Variants in KCNIP4 observed in about 807,000 individuals in gnomAD.
The protein encoded by KCNIP4 is potassium voltage-gated channel interacting protein 4.
In KCNIP4, 12 loss-of-function variants were observed where a neutral mutation model predicts 34.0. The observed-to-expected ratio is 0.35, with a 90% CI of 0.23 to 0.57. KCNIP4 has a LOEUF of 0.57. KCNIP4 is among the 20% of genes least tolerant of loss of function. The pLI is 0.83. For missense variants in KCNIP4, 238 were observed against 311.7 expected, an observed-to-expected ratio of 0.76 and a Z score of 1.78; for synonymous variants, 124 against 102.2, an observed-to-expected ratio of 1.21 and a Z score of -1.29.
At chr4:21,496,369 G>A (rs373422532) in intron 1 of KCNIP4, among the ~76,000 whole-genome samples, 5 of 152,158 alleles carry the variant, frequency 3.3e-5, no homozygotes, top group African/African-American at 1.2e-4. Flanking sequence ...AGGATCTAGT[G>A]GGACAGCTCA....
intron 1 of KCNIP4, among the ~76,000 whole-genome samples, chr4:21,909,481 T>C (rs1173249093): frequency 6.6e-6 from 1 of 152,078 alleles, no homozygotes; most frequent in Non-Finnish European, 1.5e-5. Flanking sequence ...CAAATCCAGT[T>C]ATTACTTTCT....
chr4:21,855,728 A>G (rs1037446114), intron 1 of KCNIP4: 6 of 152,178 alleles, frequency 3.9e-5, no homozygotes, highest in South Asian at 2.1e-4. Context: ...TTCTGTCTCC[A>G]GAATGCTTTC....
intron 1 of KCNIP4, among the ~76,000 whole-genome samples, chr4:21,107,462 C>T (rs909844871): frequency 3.1e-4 from 47 of 151,260 alleles, no homozygotes; most frequent in Non-Finnish European, 5.6e-4. Context: ...GTAGATTTTC[C>T]TCCATCCTTT....
At chr4:21,615,494 C>T (rs566212034) in intron 1 of KCNIP4, among the ~76,000 whole-genome samples, 15 of 151,656 alleles carry the variant, frequency 9.9e-5, no homozygotes, top group African/African-American at 2.9e-4. Flanking sequence ...TGCAGTGAGC[C>T]GAGATCACGC....
intron 1 of KCNIP4, among the ~76,000 whole-genome samples, chr4:20,894,088 C>A (rs1225926036): frequency 6.6e-6 from 1 of 152,056 alleles, no homozygotes; most frequent in African/African-American, 2.4e-5. Context: ...ACTATGTTGG[C>A]CAGGCTGGTC....
intron 3 of KCNIP4, among the ~76,000 whole-genome samples, chr4:20,833,187 T>C (rs11946996): frequency 0.011 from 1,752 of 152,380 alleles, 45 homozygotes; most frequent in African/African-American, 0.04. Context: ...TAACGTGCGG[T>C]GCACATTAGA....
At chr4:21,192,912 G>A (rs529154439) in intron 1 of KCNIP4, among the ~76,000 whole-genome samples, 5 of 98,002 alleles carry the variant, frequency 5.1e-5, no homozygotes, top group South Asian at 3.7e-4. Flanking sequence ...CTGCCGCCCC[G>A]TCTCTACTAC....
chr4:21,189,101 A>T (rs1278546989), intron 1 of KCNIP4, among the ~76,000 whole-genome samples: 1 of 152,250 alleles, frequency 6.6e-6, no homozygotes, highest in Non-Finnish European at 1.5e-5. Flanking sequence ...TTGTAAAAAG[A>T]GTAAAATAAT....
chr4:20,747,443 A>G (rs1026370932), intron 5 of KCNIP4, among the ~76,000 whole-genome samples: 1 of 152,204 alleles, frequency 6.6e-6, no homozygotes, highest in Non-Finnish European at 1.5e-5. Context: ...AAACACAAAC[A>G]CAACATTATC....
intron 1 of KCNIP4, among the ~76,000 whole-genome samples, chr4:21,482,093 T>C (rs1731479830): frequency 6.6e-6 from 1 of 151,962 alleles, no homozygotes. Flanking sequence ...TTGATCTTTG[T>C]TGGTTTAAAG....
chr4:21,898,361 C>T (rs945208628), intron 1 of KCNIP4, among the ~76,000 whole-genome samples: 3 of 152,038 alleles, frequency 2.0e-5, no homozygotes, highest in Non-Finnish European at 4.4e-5. Flanking sequence ...CAGCACAGCT[C>T]GCAGTGCCAG....
chr4:21,850,965 C>A (rs528774986), intron 1 of KCNIP4: 1 of 151,896 alleles, frequency 6.6e-6, no homozygotes, highest in Non-Finnish European at 1.5e-5. Flanking sequence ...TAGAGTCTTG[C>A]GGGGCAGACT....
chr4:21,503,556 A>T (rs1479336536), intron 1 of KCNIP4, among the ~76,000 whole-genome samples: 3 of 152,206 alleles, frequency 2.0e-5, no homozygotes, highest in Non-Finnish European at 4.4e-5. Flanking sequence ...AGACACTTAG[A>T]TGGACTGTTC....
At chr4:20,902,702 T>C (rs1384832246) in intron 1 of KCNIP4, among the ~76,000 whole-genome samples, 1 of 152,046 alleles carries the variant, frequency 6.6e-6, no homozygotes, top group African/African-American at 2.4e-5. Flanking sequence ...GTATTTTTAG[T>C]AGAGACGGGG....
intron 1 of KCNIP4, among the ~76,000 whole-genome samples, chr4:21,452,720 T>C (rs1180082356): frequency 6.6e-6 from 1 of 151,592 alleles, no homozygotes; most frequent in Non-Finnish European, 1.5e-5. Context: ...TTAAAGTGTT[T>C]CTTCAAAGAA....
chr4:20,831,247 G>T (rs988424409), intron 3 of KCNIP4, among the ~76,000 whole-genome samples: 2 of 152,198 alleles, frequency 1.3e-5, no homozygotes, highest in African/African-American at 2.4e-5. Context: ...ATACTGTGAA[G>T]TGGATAATAA....
intron 1 of KCNIP4, among the ~76,000 whole-genome samples, chr4:21,891,455 C>T (rs970684025): frequency 2.0e-5 from 3 of 151,894 alleles, no homozygotes; most frequent in South Asian, 2.1e-4. Flanking sequence ...AACGAGTCAG[C>T]GACAAAGAAA....
intron 1 of KCNIP4, chr4:21,843,992 A>G (rs1435398586): frequency 2.0e-5 from 3 of 152,134 alleles, no homozygotes; most frequent in African/African-American, 7.2e-5. Flanking sequence ...CCCTAAGCAT[A>G]GTAACTGAAA....
intron 3 of KCNIP4, among the ~76,000 whole-genome samples, chr4:20,833,247 T>C (rs1718641239): frequency 6.6e-6 from 1 of 152,212 alleles, no homozygotes; most frequent in Admixed American, 6.5e-5. Flanking sequence ...GGTGACATTG[T>C]TCTTTTTCCT....
Sources: gnomAD v4.1 joint callset for allele counts (sites outside exome capture counted in the v4.1 genomes callset) on GRCh38, gnomAD v4.1.1 for gene constraint, MANE v1.5 for transcripts, NCBI Gene and HGNC (gene_info 2026-07-23, HGNC 2026-07-21) for gene names.